Variants in CTCF observed in about 807,000 individuals in gnomAD.
CTCF encodes the protein transcriptional repressor CTCF.
CTCF carries 7 observed loss-of-function variants against 72.3 expected under a neutral mutation model. That is an observed-to-expected ratio of 0.10 (90% CI 0.06 to 0.18). The LOEUF (loss-of-function observed/expected upper bound fraction) is 0.18. CTCF is among the 10% of genes least tolerant of loss of function. CTCF has a pLI of 1.00. For missense variants in CTCF, 516 were observed against 949.1 expected, an observed-to-expected ratio of 0.54 and a Z score of 6.00; for synonymous variants, 374 against 315.8, an observed-to-expected ratio of 1.18 and a Z score of -1.95.
Position 67,634,267 on chromosome 16 carries a change from G to T in CTCF, c.1838-2423G>T, listed in dbSNP as rs150093022. Among the ~76,000 whole-genome samples the T allele has an allele frequency of 1.0e-3, 154 of 152,048 alleles. 1 individual carries two copies. Among genetic ancestry groups the T allele is most frequent in the African/African-American group, 3.2e-3 (133 of 41,470 alleles). Reference sequence around the variant, plus strand: ...CTGTCACCCAGGCTGGAGTGTAGTGGAGTGATCTCAGCTCACTGCAACCTC... The same window carrying T: ...CTGTCACCCAGGCTGGAGTGTAGTGTAGTGATCTCAGCTCACTGCAACCTC... On this transcript the variant is annotated intron_variant, in intron 10 of 11. Coordinates refer to ENST00000264010, the MANE Select transcript of CTCF (RefSeq NM_006565.4).
chr16:67,597,690 TA>T (rs1248553197), intron 2 of CTCF, among the ~76,000 whole-genome samples: 2 of 152,234 alleles, frequency 1.3e-5, no homozygotes, highest in Non-Finnish European at 2.9e-5. Flanking sequence ...GGATTAAAGA[TA>T]ACTTCTGTTT....
At chr16:67,602,854 A>AC (rs1195363752) in intron 2 of CTCF, among the ~76,000 whole-genome samples, 2 of 151,890 alleles carry the variant, frequency 1.3e-5, no homozygotes, top group African/African-American at 4.8e-5. Flanking sequence ...AAAAAAAAAA[A>AC]AAAAAAAGAG....
At chr16:67,618,064 C>T (rs2052156354) in intron 5 of CTCF, among the ~76,000 whole-genome samples, 3 of 152,124 alleles carry the variant, frequency 2.0e-5, no homozygotes, top group African/African-American at 7.2e-5. Flanking sequence ...TCATTAATTA[C>T]TGTTTAATGT....
chr16:67,638,574 A>G lies in CTCF; in HGVS notation c.*702A>G, dbSNP rs923473035. On this transcript the variant is annotated 3_prime_UTR_variant, in exon 12 of 12. Transcript: ENST00000264010. The stretch of plus-strand genomic sequence containing the variant: ...AATGTTGACAAGGAATTGGATCACA[A>G]TCATGTAGCAGAATGGCACCCAGAC... The G allele has an allele frequency of 4.8e-5, 11 of 231,032 alleles. No individual in the cohort carries two copies. Among genetic ancestry groups the G allele is most frequent in the Non-Finnish European group, 7.7e-5 (9 of 116,438 alleles). The allele number at this position is 231,032 out of a possible 1,614,324, so 14.3% of individuals were successfully genotyped here.
intron 2 of CTCF, among the ~76,000 whole-genome samples, chr16:67,589,225 A>G (rs1425552067): frequency 6.6e-6 from 1 of 152,120 alleles, no homozygotes; most frequent in East Asian, 1.9e-4. Flanking sequence ...TGATCCCAGG[A>G]GTTCAAGGCT....
chr16:67,601,290 TCACC>T (rs2051885759), intron 2 of CTCF, among the ~76,000 whole-genome samples: 2 of 134,226 alleles, frequency 1.5e-5, no homozygotes, highest in Non-Finnish European at 3.2e-5. Context: ...TCTCACTCTG[TCACC>T]GTGTGTGTGT....
intron 6 of CTCF, 69 bp downstream of exon 6, chr16:67,620,886 C>A (rs1002603555): frequency 7.6e-7 from 1 of 1,319,808 alleles, no homozygotes; most frequent in Non-Finnish European, 1.0e-6. Flanking sequence ...ACCCTGTGGA[C>A]CACTGTGTGT....
intron 2 of CTCF, among the ~76,000 whole-genome samples, chr16:67,595,993 A>T (rs1006742718): frequency 6.6e-6 from 1 of 150,946 alleles, no homozygotes; most frequent in Non-Finnish European, 1.5e-5. Flanking sequence ...CTCTCTCTGT[A>T]GCCAGGCTGG....
At chr16:67,613,707 CAG>C (rs777871824) in intron 4 of CTCF, among the ~76,000 whole-genome samples, 24 of 152,134 alleles carry the variant, frequency 1.6e-4, no homozygotes, top group Admixed American at 1.4e-3. Flanking sequence ...ATGCGGGAGA[CAG>C]AGGTTGCAGT....
At chr16:67,627,484 C>CT (rs1026190498) in intron 8 of CTCF, 1 of 151,434 alleles carries the variant, frequency 6.6e-6, no homozygotes, top group East Asian at 2.0e-4. Context: ...GAGCGAGACT[C>CT]TGTCTCCAAA....
chr16:67,626,065 C>A (rs1394643075), intron 7 of CTCF, among the ~76,000 whole-genome samples: 1 of 152,078 alleles, frequency 6.6e-6, no homozygotes, highest in African/African-American at 2.4e-5. Context: ...CCTGTTTGAA[C>A]AATCTTAATT....
At chr16:67,575,197 C>A (rs60903668) in intron 2 of CTCF, among the ~76,000 whole-genome samples, 1 of 152,126 alleles carries the variant, frequency 6.6e-6, no homozygotes, top group African/African-American at 2.4e-5. Context: ...TGCAATGAGC[C>A]GTGGTCCCAC....
intron 10 of CTCF, among the ~76,000 whole-genome samples, chr16:67,634,354 C>A (rs2052401897): frequency 6.6e-6 from 1 of 151,704 alleles, no homozygotes; most frequent in East Asian, 2.0e-4. Context: ...ATTACAGGTG[C>A]CCGCCATCAC....
At chr16:67,595,563 C>T (rs932969336) in intron 2 of CTCF, among the ~76,000 whole-genome samples, 3 of 152,048 alleles carry the variant, frequency 2.0e-5, no homozygotes, top group East Asian at 1.9e-4. Flanking sequence ...TCTTGGCTGG[C>T]GGTATAAGGA....
intron 1 of CTCF, chr16:67,564,055 T>C (rs913000640): frequency 1.3e-5 from 2 of 152,216 alleles, no homozygotes; most frequent in Middle Eastern, 3.1e-3. Context: ...AGTTCAGCGT[T>C]AAGTAAACAT....
At chr16:67,584,817 T>G (rs1403767468) in intron 2 of CTCF, among the ~76,000 whole-genome samples, 2 of 152,196 alleles carry the variant, frequency 1.3e-5, no homozygotes, top group Admixed American at 6.6e-5. Flanking sequence ...AGGTCATGGA[T>G]GTAGGACAAG....
At position 67,594,600 on chromosome 16, in the gene CTCF, A is replaced by G. The variant is rs1283249628; in HGVS notation, c.-9-16224A>G. 3.9e-5 allele frequency among the ~76,000 whole-genome samples: 6 copies of G among 152,196 alleles called. No homozygotes were observed. In the East Asian group the frequency reaches 7.7e-4, roughly 20 times the overall value. On this transcript the variant is annotated intron_variant, in intron 2 of 11. Transcript: ENST00000264010. ...GCGTAAAAAAACTTCGCATCACTAAAAAAATAGTGATGCAAAGAGAGCAAT... is the reference window on the plus strand; with the variant it reads ...GCGTAAAAAAACTTCGCATCACTAAGAAAATAGTGATGCAAAGAGAGCAAT...
intron 1 of CTCF, among the ~76,000 whole-genome samples, chr16:67,562,950 C>T (rs1567586554): frequency 7.1e-6 from 1 of 139,956 alleles, no homozygotes; most frequent in African/African-American, 2.6e-5. Flanking sequence ...CCCGCTAGGC[C>T]TCCCTCCTGG....
At chr16:67,606,421 T>C (rs1280360993) in intron 2 of CTCF, among the ~76,000 whole-genome samples, 1 of 152,238 alleles carries the variant, frequency 6.6e-6, no homozygotes, top group African/African-American at 2.4e-5. Flanking sequence ...CCTTGAACCA[T>C]TGTGCTACCT....
Sources: allele counts gnomAD v4.1 joint callset (sites outside exome capture counted in the v4.1 genomes callset), GRCh38; gene constraint gnomAD v4.1.1; transcripts MANE v1.5; gene names NCBI Gene and HGNC (gene_info 2026-07-23, HGNC 2026-07-21).